The following ADH4 variants were observed in gnomAD, a reference collection of about 807,000 sequenced individuals.
ADH4 encodes the protein all-trans-retinol dehydrogenase [NAD(+)] ADH4.
Under a neutral mutation model 35.2 loss-of-function variants are expected in ADH4, and 31 were observed. The ratio of observed to expected loss-of-function variants is 0.88; its 90% CI spans 0.66 to 1.19. The LOEUF (loss-of-function observed/expected upper bound fraction) is 1.19. Ranked by LOEUF, ADH4 falls within the 50% of genes most tolerant of loss-of-function variation. The probability of loss-of-function intolerance (pLI) is 0.00; values close to 1 mark genes in which losing one functional copy is unlikely to be tolerated. For synonymous variants in ADH4, 171 were observed against 160.2 expected (o/e 1.07, Z -0.51); for missense variants, 476 against 458.3 (o/e 1.04, Z -0.35).
chr4:99,137,362 G>T lies in ADH4; in HGVS notation c.351-665C>A, dbSNP rs540990662. 7.9e-5 allele frequency among the ~76,000 whole-genome samples: 12 copies of T among 151,970 alleles called. No homozygotes were observed. In the South Asian group the frequency reaches 2.5e-3, roughly 32 times the overall value. On this transcript the variant is annotated intron_variant, in intron 4 of 8. Coordinates refer to ENST00000265512, the MANE Select transcript of ADH4 (RefSeq NM_000670.5). The stretch of plus-strand genomic sequence containing the variant: ...AGGCTGGTCTCGAACTCCTGACTTC[G>T]CTATCCACCCGCCTCAGCCTCCCAA...
chr4:99,132,512 A>G (rs1019421269), intron 5 of ADH4, among the ~76,000 whole-genome samples: 20 of 864 alleles, frequency 0.023, no homozygotes, highest in African/African-American at 0.072. Flanking sequence ...ACCTGCCTTG[A>G]TTGTGGGTGT....
chr4:99,129,503 C>A (rs923116849), intron 6 of ADH4, among the ~76,000 whole-genome samples: 6 of 152,138 alleles, frequency 3.9e-5, no homozygotes, highest in African/African-American at 7.2e-5. Flanking sequence ...AGTCTCTTTA[C>A]AGTATTGATT....
chr4:99,129,233 G>C (rs1426355479), intron 6 of ADH4, among the ~76,000 whole-genome samples: 3 of 151,524 alleles, frequency 2.0e-5, no homozygotes, highest in Non-Finnish European at 4.4e-5. Flanking sequence ...TTAATAAAAG[G>C]GTTATTAAAA....
At chr4:99,126,417 A>G (rs907258226) in intron 8 of ADH4, among the ~76,000 whole-genome samples, 177 bp downstream of exon 8, 1 of 152,232 alleles carries the variant, frequency 6.6e-6, no homozygotes, top group African/African-American at 2.4e-5. Context: ...GATGTGCATT[A>G]TTGAAATGGA....
At chr4:99,139,236 A>G (rs1025817143) in intron 3 of ADH4, 88 bp from the exon 4 acceptor site, 16 of 795,272 alleles carry the variant, frequency 2.0e-5, no homozygotes, top group Non-Finnish European at 2.9e-5. Flanking sequence ...CCTTTTCTTT[A>G]TAGTATACAT....
intron 5 of ADH4, among the ~76,000 whole-genome samples, chr4:99,134,153 G>A (rs527406426): frequency 6.6e-6 from 1 of 152,238 alleles, no homozygotes; most frequent in Non-Finnish European, 1.5e-5. Context: ...AGAGTCTGGG[G>A]GGATAAATGA....
At chr4:99,138,141 A>G (rs956025802) in intron 4 of ADH4, among the ~76,000 whole-genome samples, 1 of 152,180 alleles carries the variant, frequency 6.6e-6, no homozygotes, top group African/African-American at 2.4e-5. Context: ...GTGGTATCGT[A>G]TATTTCATTT....
intron 5 of ADH4, among the ~76,000 whole-genome samples, chr4:99,135,557 A>G (rs1217642338): frequency 2.0e-5 from 3 of 152,162 alleles, no homozygotes; most frequent in African/African-American, 7.2e-5. Context: ...TCTTCTCTGC[A>G]TTGTTGCTGG....
chr4:99,134,040 G>A (rs995266570), intron 5 of ADH4, among the ~76,000 whole-genome samples: 2 of 152,140 alleles, frequency 1.3e-5, no homozygotes, highest in East Asian at 1.9e-4. Context: ...AGGACATTAT[G>A]TCAGGTGAAA....
At chr4:99,138,615 T>C (rs1222306765) in intron 4 of ADH4, among the ~76,000 whole-genome samples, 1 of 152,210 alleles carries the variant, frequency 6.6e-6, no homozygotes, top group Non-Finnish European at 1.5e-5. Context: ...TTGTTTATGC[T>C]TTTACTACAT....
chr4:99,128,490 TCA>T (rs1729167967), intron 6 of ADH4, among the ~76,000 whole-genome samples: 1 of 152,176 alleles, frequency 6.6e-6, no homozygotes, highest in Admixed American at 6.6e-5. Context: ...GCATAATATC[TCA>T]GTTATCAAAA....
At chr4:99,132,296 G>A (rs190084905) in intron 5 of ADH4, among the ~76,000 whole-genome samples, 82 of 152,256 alleles carry the variant, frequency 5.4e-4, no homozygotes, top group East Asian at 5.2e-3. Flanking sequence ...CAAGAACTGC[G>A]AACAGATTGT....
At chr4:99,129,077 G>A (rs1729189137) in intron 6 of ADH4, among the ~76,000 whole-genome samples, 1 of 151,890 alleles carries the variant, frequency 6.6e-6, no homozygotes, top group South Asian at 2.1e-4. Context: ...TGGAATTACA[G>A]GCATGACCCA....
In ADH4 at chr4:99,124,239, T is replaced by C. The variant is rs1406013523; in HGVS notation, c.*203A>G. 2.2e-6 allele frequency: 1 copy of C among 459,366 alleles called. No individual in the cohort carries two copies. The highest frequency in any genetic ancestry group is 4.5e-5 in the Admixed American group (1 of 22,332). 28.5% of individuals were successfully genotyped at this position (459,366 alleles called of 1,614,324 possible). ...ATATGATTCTATTCATAAACACTAG[T>C]TATTATTATTATTTAACATAGGGAA... is the stretch of plus-strand genomic sequence containing the variant. On this transcript the variant is annotated 3_prime_UTR_variant, in exon 9 of 9. Transcript: ENST00000265512.
intron 7 of ADH4, 65 bp from the exon 8 acceptor site, chr4:99,126,797 T>A: frequency 1.4e-6 from 2 of 1,435,816 alleles, no homozygotes; most frequent in Non-Finnish European, 1.9e-6. Context: ...TAATCAGCAT[T>A]TGCTGAATGA....
rs1728986627 is a variant in ADH4 at position 99,123,760 on chromosome 4, T to C, written c.*682A>G. On this transcript the variant is annotated 3_prime_UTR_variant, in exon 9 of 9. Coordinates refer to ENST00000265512, the MANE Select transcript of ADH4 (RefSeq NM_000670.5). ...AATTAAATTGCTGTTGACTATAGTC[T>C]CCCTGTTGTGCTATCAAATACCAGG... The C allele has an allele frequency of 6.6e-6, 1 of 152,168 alleles. No individual in the cohort carries two copies. The highest frequency in any genetic ancestry group is 1.9e-4 in the East Asian group (1 of 5,198). 9.4% of individuals were successfully genotyped at this position (152,168 alleles called of 1,614,324 possible). A position where few individuals can be genotyped will look rare whatever the true frequency, so the allele number is the denominator to read the frequency against.
chr4:99,131,396 A>G, intron 6 of ADH4, 108 bp downstream of exon 6: 2 of 1,230,766 alleles, frequency 1.6e-6, no homozygotes, highest in Non-Finnish European at 1.1e-6. Flanking sequence ...CCACCCTGTC[A>G]TCCATTTGAA....
Position 99,131,621 on chromosome 4 carries a change from T to G in ADH4, c.726A>C (p.Gly242=). The G allele has an allele frequency of 6.2e-7, 1 of 1,614,168 alleles. No individual in the cohort carries two copies. The highest frequency in any genetic ancestry group is 2.2e-5 in the East Asian group (1 of 44,882). The change falls in exon 6 of 9, where the codon GGA becomes GGC. Residue 242 remains glycine (G), a synonymous_variant. Coordinates refer to ENST00000265512, the MANE Select transcript of ADH4 (RefSeq NM_000670.5). ...CTCTAGGATTGAGGCAGTCAGTGGC[T>G]CCCAGGGCTTTAGCCTTCACAAACT... ...SEKFVKAKAL[G]ATDCLNPRDL... is the part of the protein sequence containing the mutation.
chr4:99,129,490 CAA>C (rs1560775961), intron 6 of ADH4, among the ~76,000 whole-genome samples: 1 of 152,118 alleles, frequency 6.6e-6, no homozygotes, highest in African/African-American at 2.4e-5. Context: ...TATGTTAAAA[CAA>C]AGTCTCTTTA....
Sources: gnomAD v4.1 joint callset for allele counts (sites outside exome capture counted in the v4.1 genomes callset) on GRCh38, gnomAD v4.1.1 for gene constraint, MANE v1.5 for transcripts, NCBI Gene and HGNC (gene_info 2026-07-23, HGNC 2026-07-21) for gene names.